Variants in FAT3 observed in about 807,000 individuals in gnomAD.
FAT3 encodes protocadherin Fat 3.
In FAT3, 95 loss-of-function variants were observed where a neutral mutation model predicts 310.2. The ratio of observed to expected loss-of-function variants is 0.31; its 90% CI spans 0.26 to 0.36. FAT3 has a LOEUF of 0.36. Ranked by LOEUF, FAT3 falls within the 10% of genes least tolerant of loss-of-function variation. FAT3 has a pLI of 1.00. For missense variants in FAT3, 5,408 were observed against 5,715.6 expected, an observed-to-expected ratio of 0.95 and a Z score of 1.74; for synonymous variants, 2,314 against 2,192.9, an observed-to-expected ratio of 1.06 and a Z score of -1.54.
chr11:92,410,317 T>C (rs1232937779), intron 2 of FAT3, among the ~76,000 whole-genome samples: 1 of 152,096 alleles, frequency 6.6e-6, no homozygotes, highest in Admixed American at 6.6e-5. Context: ...TCTGTGTGTA[T>C]GTGTGTGCAC....
rs372705308 is a variant in FAT3 at position 92,500,483 on chromosome 11, T to C, written c.3293-24151T>C. ...AAAGAAATTTGAAGGAGGAAAAATA[T>C]GATGAAATGTTTCAAAATAGTGACA... On this transcript the variant is annotated intron_variant, in intron 2 of 27. Coordinates refer to ENST00000525166, the MANE Select transcript of FAT3 (RefSeq NM_001367949.2). Among the ~76,000 whole-genome samples the C allele has an allele frequency of 2.4e-3, 366 of 152,140 alleles. 2 individuals are homozygous for C. Among genetic ancestry groups the C allele is most frequent in the Non-Finnish European group, 3.9e-3 (263 of 67,956 alleles).
chr11:92,533,363 G>A (rs1425159717), intron 3 of FAT3, among the ~76,000 whole-genome samples: 1 of 152,078 alleles, frequency 6.6e-6, no homozygotes, highest in Non-Finnish European at 1.5e-5. Flanking sequence ...GTACGTCATA[G>A]GATTTTGAAG....
At chr11:92,513,421 G>A (rs998657351) in intron 2 of FAT3, among the ~76,000 whole-genome samples, 7 of 152,168 alleles carry the variant, frequency 4.6e-5, no homozygotes, top group Non-Finnish European at 1.0e-4. Context: ...CTTGCTAGAG[G>A]CAGGCATGGG....
intron 1 of FAT3, among the ~76,000 whole-genome samples, chr11:92,343,787 A>G (rs2134593970): frequency 6.6e-6 from 1 of 152,252 alleles, no homozygotes; most frequent in Non-Finnish European, 1.5e-5. Flanking sequence ...TTAACATGAG[A>G]ATTTGTACCC....
At chr11:92,885,534 A>ATAGCAAG (rs1949776238) in intron 24 of FAT3, among the ~76,000 whole-genome samples, 3 of 152,148 alleles carry the variant, frequency 2.0e-5, no homozygotes, top group African/African-American at 7.2e-5. Flanking sequence ...CTATCTGCTG[A>ATAGCAAG]TTGTCTTTCT....
intron 2 of FAT3, among the ~76,000 whole-genome samples, chr11:92,441,280 T>C (rs947620860): frequency 6.6e-6 from 1 of 152,228 alleles, no homozygotes; most frequent in Admixed American, 6.5e-5. Flanking sequence ...CTTTTATCTG[T>C]GGCTGTTTTG....
chr11:92,642,491 G>A (rs1001405974), intron 3 of FAT3, among the ~76,000 whole-genome samples: 2 of 152,240 alleles, frequency 1.3e-5, no homozygotes, highest in Non-Finnish European at 2.9e-5. Context: ...CTGCTAAGTG[G>A]ATATGGAAGG....
chr11:92,608,129 A>G (rs965197707), intron 3 of FAT3, among the ~76,000 whole-genome samples: 3 of 152,216 alleles, frequency 2.0e-5, no homozygotes, highest in African/African-American at 7.2e-5. Flanking sequence ...TGATACACGG[A>G]TAAGTGTAAC....
chr11:92,416,259 C>T (rs2134954941), intron 2 of FAT3, among the ~76,000 whole-genome samples: 2 of 150,498 alleles, frequency 1.3e-5, no homozygotes, highest in Non-Finnish European at 3.0e-5. Context: ...TGGCACGCAC[C>T]TGTAACCCCA....
At chr11:92,573,741 G>T (rs566939991) in intron 3 of FAT3, among the ~76,000 whole-genome samples, 1 of 152,022 alleles carries the variant, frequency 6.6e-6, no homozygotes, top group African/African-American at 2.4e-5. Context: ...CTGCCAGAAG[G>T]TAGGAGAGAG....
rs1949914465 is a variant in FAT3 at position 92,891,318 on chromosome 11, G to C, written c.*205G>C. 8.6e-6 allele frequency: 6 copies of C among 700,790 alleles called. No homozygotes were observed. The highest frequency in any genetic ancestry group is 1.2e-5 in the Non-Finnish European group (5 of 434,676). 43.4% of individuals were successfully genotyped at this position (700,790 alleles called of 1,614,324 possible). On this transcript the variant is annotated 3_prime_UTR_variant, in exon 28 of 28. Transcript: ENST00000525166. ...AATGAAAGGCTCAGAAATTGTTTTT[G>C]AGAGGTGACTGGTAATCCTTGATGT...
At position 92,478,205 on chromosome 11, in the gene FAT3, G is replaced by A. The variant is rs189888381; in HGVS notation, c.3293-46429G>A. 2.4e-3 allele frequency among the ~76,000 whole-genome samples: 372 copies of A among 152,290 alleles called. 1 individual carries two copies. The highest frequency in any genetic ancestry group is 3.3e-3 in the Non-Finnish European group (223 of 68,024). On this transcript the variant is annotated intron_variant, in intron 2 of 27. Coordinates refer to ENST00000525166, the MANE Select transcript of FAT3 (RefSeq NM_001367949.2). ...TATTTCAAAGAAACTGTCTTCAGCT[G>A]GTAACCGAATTCATCACCTTGCCCC... is the stretch of plus-strand genomic sequence containing the variant.
intron 2 of FAT3, among the ~76,000 whole-genome samples, chr11:92,518,257 AC>A (rs1386042989): frequency 6.6e-6 from 1 of 152,202 alleles, no homozygotes; most frequent in Non-Finnish European, 1.5e-5. Context: ...AAGATTTGCA[AC>A]CAACCCAAAT....
At chr11:92,560,472 T>A (rs1955184917) in intron 3 of FAT3, among the ~76,000 whole-genome samples, 1 of 142,480 alleles carries the variant, frequency 7.0e-6, no homozygotes, top group Non-Finnish European at 1.6e-5. Flanking sequence ...TTGTATTGCT[T>A]GTGATTTTGC....
rs1265830915 is a variant in FAT3, at chr11:92,894,049, C to G, written c.*2936C>G. On this transcript the variant is annotated 3_prime_UTR_variant, in exon 28 of 28. Transcript: ENST00000525166. ...ATCATATTGTTCACCCCTACACTGC[C>G]TTGAGCATGGGAGTCACCTGGTTCT... 1.3e-5 allele frequency: 2 copies of G among 152,216 alleles called. No homozygotes were observed. The highest frequency in any genetic ancestry group is 2.4e-5 in the African/African-American group (1 of 41,446). The allele number at this position is 152,216 out of a possible 1,614,324, so 9.4% of individuals were successfully genotyped here.
chr11:92,483,813 C>T (rs1952300887), intron 2 of FAT3, among the ~76,000 whole-genome samples: 1 of 152,110 alleles, frequency 6.6e-6, no homozygotes, highest in South Asian at 2.1e-4. Context: ...TCAGTAAATG[C>T]CCATTTATTG....
chr11:92,884,226 A>G (rs1026675174), intron 24 of FAT3, among the ~76,000 whole-genome samples: 1 of 152,210 alleles, frequency 6.6e-6, no homozygotes, highest in Non-Finnish European at 1.5e-5. Context: ...GAACGGATAC[A>G]TTTTAACAGC....
chr11:92,443,939 A>G (rs1322448425), intron 2 of FAT3, among the ~76,000 whole-genome samples: 1 of 152,158 alleles, frequency 6.6e-6, no homozygotes, highest in Non-Finnish European at 1.5e-5. Flanking sequence ...TAAAACTTAA[A>G]ACACCCCAGT....
Position 92,868,744 on chromosome 11 carries a change from T to G in FAT3, c.12127+1535T>G, listed in dbSNP as rs553760862. 5.3e-5 allele frequency among the ~76,000 whole-genome samples: 8 copies of G among 152,322 alleles called. No homozygotes were observed. The South Asian group carries it at 1.7e-3, about 32-fold the overall frequency. The stretch of plus-strand genomic sequence containing the variant: ...TAAAATAATAATAATAATCACTGTA[T>G]GAGGGAAAGAGACTAGGGAATCTTG... On this transcript the variant is annotated intron_variant, in intron 22 of 27. Transcript: ENST00000525166.
Sources: allele counts gnomAD v4.1 joint callset (sites outside exome capture counted in the v4.1 genomes callset), GRCh38; gene constraint gnomAD v4.1.1; transcripts MANE v1.5; gene names NCBI Gene and HGNC (gene_info 2026-07-23, HGNC 2026-07-21).